The following FAM120AOS variants were observed in gnomAD, a reference collection of about 807,000 sequenced individuals.
FAM120AOS encodes family with sequence similarity 120 member A opposite strand.
In FAM120AOS, 15 loss-of-function variants were observed where a neutral mutation model predicts 20.2. The ratio of observed to expected loss-of-function variants is 0.74; its 90% CI spans 0.50 to 1.15. The LOEUF is 1.15. FAM120AOS is among the 50% of genes most tolerant of loss of function. The pLI, the probability that FAM120AOS is intolerant of heterozygous loss-of-function variation, is 0.00. For synonymous variants in FAM120AOS, 154 were observed against 154.0 expected (o/e 1.00, Z 0.00); for missense variants, 327 against 351.9 (o/e 0.93, Z 0.57).
intron 2 of FAM120AOS, 66 bp from the exon 3 acceptor site, chr9:93,447,763 T>A (rs1856908516): frequency 3.6e-6 from 5 of 1,387,618 alleles, no homozygotes; most frequent in Non-Finnish European, 5.1e-6. Context: ...TTTGTCATGG[T>A]CTCCAGAGTC....
rs1397916304 is a variant in FAM120AOS, at chr9:93,444,718, G to A, written c.*2893C>T. On this transcript the variant is annotated 3_prime_UTR_variant, in exon 3 of 3. Coordinates refer to ENST00000375412, the MANE Select transcript of FAM120AOS (RefSeq NM_198841.4). ...CAACCTCCGCCTCCCAGGTTCAAGG[G>A]ATTCTTCTGCCTCAGCCTCCCTAGT... Among the ~76,000 whole-genome samples the A allele has an allele frequency of 2.6e-5, 4 of 152,006 alleles. No individual in the cohort carries two copies. In the East Asian group the frequency reaches 7.8e-4, roughly 30 times the overall value.
chr9:93,451,079 G>A, intron 1 of FAM120AOS: 1 of 1,550,622 alleles, frequency 6.4e-7, no homozygotes, highest in Non-Finnish European at 8.7e-7. Flanking sequence ...AAGCTGCTGG[G>A]ATGAGCACCT....
rs984003780 is a variant in FAM120AOS at position 93,443,883 on chromosome 9, C to G, written c.*3728G>C. Among the ~76,000 whole-genome samples the G allele has an allele frequency of 6.6e-6, 1 of 152,182 alleles. No individual in the cohort carries two copies. On this transcript the variant is annotated 3_prime_UTR_variant, in exon 3 of 3. Coordinates refer to ENST00000375412, the MANE Select transcript of FAM120AOS (RefSeq NM_198841.4). The stretch of plus-strand genomic sequence containing the variant: ...TCTCTCTGATGATTACCTGCCTACA[C>G]TGCCTGCTCATTTTGCCAAAAGGAA...
intron 2 of FAM120AOS, among the ~76,000 whole-genome samples, chr9:93,447,934 T>C (rs575984829): frequency 6.6e-6 from 1 of 152,310 alleles, no homozygotes; most frequent in African/African-American, 2.4e-5. Context: ...GGCCTACAGA[T>C]GTGTGTGTTC....
rs1856814788 is a variant in FAM120AOS, at chr9:93,445,476, T to C, written c.*2135A>G. Among the ~76,000 whole-genome samples the C allele has an allele frequency of 6.6e-6, 1 of 151,940 alleles. No homozygotes were observed. Among genetic ancestry groups the C allele is most frequent in the Admixed American group, 6.6e-5 (1 of 15,246 alleles). On this transcript the variant is annotated 3_prime_UTR_variant, in exon 3 of 3. Transcript: ENST00000375412. ...GCAAATGACTACAGTAAGAGTGGGGTTCATTCATGTCATCAACAGCATCCC... is the reference window on the plus strand; with the variant it reads ...GCAAATGACTACAGTAAGAGTGGGGCTCATTCATGTCATCAACAGCATCCC...
chr9:93,451,451 G>A (rs2131154433), intron 1 of FAM120AOS: 2 of 1,171,172 alleles, frequency 1.7e-6, no homozygotes, highest in African/African-American at 3.3e-5. Context: ...GCGGGCGAAC[G>A]GCCTCTGGCC....
At position 93,452,348 on chromosome 9, in the gene FAM120AOS, G is replaced by T; in HGVS notation, c.362C>A (p.Ala121Asp). The T allele has an allele frequency of 6.2e-7, 1 of 1,612,630 alleles. No homozygotes were observed. ...CTGGTTCCTGCCGCCCGTCTGCATG[G>T]CCCACTGCATCCGCCTGGCGCTCAT... ...KRMSARRMQW[A>D]MQTGGRNQTF... Residue 121 changes from alanine (A) to aspartate (D), a missense_variant, in exon 1 of 3, where the codon GCC (alanine) becomes GAC (aspartate). Physicochemically the swap from Ala to Asp is moderately radical, Grantham distance 126. Around this residue, in one of 3 missense-constraint regions of FAM120AOS, gnomAD observed 86 missense variants for 140.2 expected, o/e 0.61. Coordinates refer to ENST00000375412, the MANE Select transcript of FAM120AOS (RefSeq NM_198841.4). The surrounding 1 kb of genome is among the most constrained non-coding windows in gnomAD (Gnocchi z 7.0).
At chr9:93,451,053 C>T in intron 1 of FAM120AOS, 1 of 1,550,596 alleles carries the variant, frequency 6.4e-7, no homozygotes, top group South Asian at 1.2e-5. Context: ...GTGTAAAAAC[C>T]ACAACCGAGA....
intron 2 of FAM120AOS, among the ~76,000 whole-genome samples, chr9:93,448,146 G>C (rs1471924101): frequency 2.0e-5 from 3 of 152,154 alleles, no homozygotes; most frequent in African/African-American, 7.2e-5. Context: ...TGAAAAACTG[G>C]AAACTCATCT....
At position 93,445,274 on chromosome 9, in the gene FAM120AOS, G is replaced by A. The variant is rs572052168; in HGVS notation, c.*2337C>T. The stretch of plus-strand genomic sequence containing the variant: ...TCAGAAATTGTATATATTCATCCCT[G>A]AAAGGTCTGAGAAAAAATAAAAAAA... On this transcript the variant is annotated 3_prime_UTR_variant, in exon 3 of 3. Coordinates refer to ENST00000375412, the MANE Select transcript of FAM120AOS (RefSeq NM_198841.4). 6.8e-6 allele frequency among the ~76,000 whole-genome samples: 1 copy of A among 147,730 alleles called. No homozygotes were observed. Among genetic ancestry groups the A allele is most frequent in the South Asian group, 2.1e-4 (1 of 4,740 alleles).
Position 93,453,083 on chromosome 9 carries a change from T to A in FAM120AOS, c.-374A>T. 2 of 1,068,280 alleles carry A rather than the reference T, an allele frequency of 1.9e-6. No individual in the cohort carries two copies. Among genetic ancestry groups the A allele is most frequent in the Non-Finnish European group, 1.1e-6 (1 of 882,400 alleles). 66.2% of individuals were successfully genotyped at this position (1,068,280 alleles called of 1,614,324 possible). A position where few individuals can be genotyped will look rare whatever the true frequency, so the allele number is the denominator to read the frequency against. ...GATGGGATTTTGTCAGTTCTGTGAC[T>A]TCACGTCCGTGTGAAAGAGGTCTTT... On this transcript the variant is annotated 5_prime_UTR_variant, in exon 1 of 3. It adds an upstream start codon to the 5' untranslated region. Coordinates refer to ENST00000375412, the MANE Select transcript of FAM120AOS (RefSeq NM_198841.4).
intron 2 of FAM120AOS, 91 bp from the exon 3 acceptor site, chr9:93,447,788 T>C (rs2131129173): frequency 9.0e-7 from 1 of 1,109,102 alleles, no homozygotes; most frequent in Non-Finnish European, 1.3e-6. Flanking sequence ...TATTGATCTC[T>C]GTGGAGCTCT....
intron 2 of FAM120AOS, among the ~76,000 whole-genome samples, chr9:93,449,528 C>T (rs890974463): frequency 1.4e-5 from 2 of 141,346 alleles, no homozygotes; most frequent in African/African-American, 2.6e-5. Flanking sequence ...TGGAGCCTCG[C>T]TCTGTTGCCA....
rs561153415 is a variant in FAM120AOS at position 93,452,613 on chromosome 9, G to C, written c.97C>G (p.Arg33Gly). 53 of 1,599,126 alleles carry C rather than the reference G, an allele frequency of 3.3e-5. No homozygotes were observed. The African/African-American group carries it at 5.3e-4, about 16-fold the overall frequency. ...SQPSSVPTRPRTPNRDSWRRA... is the reference protein window; with the variant it reads ...SQPSSVPTRPGTPNRDSWRRA... Reference sequence around the variant, plus strand: ...CTCCAGCTGTCCCTGTTCGGGGTCCGCGGCCGCGTGGGGACACTTGAGGGC... The same window carrying C: ...CTCCAGCTGTCCCTGTTCGGGGTCCCCGGCCGCGTGGGGACACTTGAGGGC... The change falls in exon 1 of 3, where the codon CGG becomes GGG. Residue 33 changes from arginine to glycine, a missense_variant. Transcript: ENST00000375412. The surrounding 1 kb of genome is among the most constrained non-coding windows in gnomAD (Gnocchi z 7.0).
intron 1 of FAM120AOS, chr9:93,451,011 T>G (rs1048695023): frequency 6.5e-7 from 1 of 1,544,468 alleles, no homozygotes; most frequent in African/African-American, 1.4e-5. Context: ...CTTCAGACAT[T>G]ATGGTGTGTT....
rs758734163 is a variant in FAM120AOS, at chr9:93,453,093, T to G, written c.-384A>C. 3 of 1,055,374 alleles carry G rather than the reference T, an allele frequency of 2.8e-6. No homozygotes were observed. The highest frequency in any genetic ancestry group is 3.4e-6 in the Non-Finnish European group (3 of 874,456). 65.4% of individuals were successfully genotyped at this position (1,055,374 alleles called of 1,614,324 possible). A position where few individuals can be genotyped will look rare whatever the true frequency, so the allele number is the denominator to read the frequency against. Reference sequence around the variant, plus strand: ...TGTCAGTTCTGTGACTTCACGTCCGTGTGAAAGAGGTCTTTAAGGCAGTTC... The same window carrying G: ...TGTCAGTTCTGTGACTTCACGTCCGGGTGAAAGAGGTCTTTAAGGCAGTTC... On this transcript the variant is annotated 5_prime_UTR_variant, in exon 1 of 3. Transcript: ENST00000375412.
rs1856756444 is a variant in FAM120AOS, at chr9:93,443,343, T to A, written c.*4268A>T. On this transcript the variant is annotated 3_prime_UTR_variant, in exon 3 of 3. Transcript: ENST00000375412. ...TTTAAATTACAGTGTACAAAAATAT[T>A]TACTTTATTGTTTCCTTATACATTT... is the stretch of plus-strand genomic sequence containing the variant. Among the ~76,000 whole-genome samples the A allele has an allele frequency of 6.9e-6, 1 of 145,274 alleles. No homozygotes were observed. The highest frequency in any genetic ancestry group is 2.1e-4 in the South Asian group (1 of 4,684).
At chr9:93,451,499 A>T in intron 1 of FAM120AOS, 1 of 1,024,274 alleles carries the variant, frequency 9.8e-7, no homozygotes, top group Non-Finnish European at 1.2e-6. Context: ...AGCCTCCCGG[A>T]TCCCGTCCCG....
intron 2 of FAM120AOS, among the ~76,000 whole-genome samples, chr9:93,450,177 C>T (rs1049366348): frequency 6.6e-6 from 1 of 151,806 alleles, no homozygotes; most frequent in Non-Finnish European, 1.5e-5. Context: ...TTAGTAGAGA[C>T]GGGGTTTCAC....
Sources: gnomAD v4.1 joint callset for allele counts (sites outside exome capture counted in the v4.1 genomes callset) on GRCh38, gnomAD v4.1.1 for gene constraint, gnomAD v4.1.1 regional missense constraint, Gnocchi (gnomAD v3.1) non-coding constraint, MANE v1.5 for transcripts, NCBI Gene and HGNC (gene_info 2026-07-23, HGNC 2026-07-21) for gene names.